The following CEP78 variants were observed in gnomAD, a reference collection of about 807,000 sequenced individuals.
CEP78 encodes the protein centrosomal protein 78.
In CEP78, 76 loss-of-function variants were observed where a neutral mutation model predicts 81.2. The observed-to-expected ratio is 0.94, with a 90% CI of 0.78 to 1.13. The LOEUF is 1.13. Ranked by LOEUF, CEP78 falls within the 50% of genes most tolerant of loss-of-function variation. The pLI is 0.00. For synonymous variants in CEP78, 293 were observed against 301.4 expected, an observed-to-expected ratio of 0.97 and a Z score of 0.29; for missense variants, 918 against 846.8, an observed-to-expected ratio of 1.08 and a Z score of -1.04.
Position 78,240,078 on chromosome 9 carries a change from T to G in CEP78, c.309T>G (p.Asp103Glu). The G allele has an allele frequency of 1.3e-6, 2 of 1,585,788 alleles. No individual in the cohort carries two copies. Among genetic ancestry groups the G allele is most frequent in the African/African-American group, 1.4e-5 (1 of 72,900 alleles). ...RSRVPAIRYKDVTFQLCKALK... is the reference protein window; with the variant it reads ...RSRVPAIRYKEVTFQLCKALK... ...GTGTTCCTGCGATAAGATACAAAGATGTGACCTTCCAGTTGTGTAAAGCTC... is the reference window on the plus strand; with the variant it reads ...GTGTTCCTGCGATAAGATACAAAGAGGTGACCTTCCAGTTGTGTAAAGCTC... Residue 103 changes from aspartate to glutamate, a missense_variant, in exon 2 of 17, where the codon GAT becomes GAG. By Grantham distance (45) the Asp-to-Glu change is conservative. Coordinates refer to ENST00000643273, the MANE Select transcript of CEP78 (RefSeq NM_001330691.3).
At chr9:78,270,514 T>C (rs921369558) in intron 16 of CEP78, among the ~76,000 whole-genome samples, 1 of 152,204 alleles carries the variant, frequency 6.6e-6, no homozygotes, top group Non-Finnish European at 1.5e-5. Context: ...CCAGCACATA[T>C]ACAATCTGTA....
intron 11 of CEP78, among the ~76,000 whole-genome samples, chr9:78,261,031 A>T (rs1827250884): frequency 6.6e-6 from 1 of 151,856 alleles, no homozygotes; most frequent in Non-Finnish European, 1.5e-5. Flanking sequence ...GCTCACTGCA[A>T]CCTCTGCCTC....
chr9:78,274,871 CT>C lies in CEP78; in HGVS notation c.*4023del, dbSNP rs1189048077. ...AGGAAATTGTATAGATTTTGATTTACTTTCCAGGAAGAAAGAAGACAAAAGA... is the reference window on the plus strand; with the variant it reads ...AGGAAATTGTATAGATTTTGATTTACTTCCAGGAAGAAAGAAGACAAAAGA... On this transcript the variant is annotated 3_prime_UTR_variant, in exon 17 of 17. Transcript: ENST00000643273. 6.6e-6 allele frequency: 1 copy of C among 152,042 alleles called. No individual in the cohort carries two copies. The highest frequency in any genetic ancestry group is 6.6e-5 in the Admixed American group (1 of 15,262). The allele number at this position is 152,042 out of a possible 1,614,324, so 9.4% of individuals were successfully genotyped here.
chr9:78,246,961 G>A (rs944741561), intron 6 of CEP78, among the ~76,000 whole-genome samples, 179 bp downstream of exon 6: 4 of 152,204 alleles, frequency 2.6e-5, no homozygotes, highest in Admixed American at 6.5e-5. Context: ...TACTTAAATT[G>A]CTCTTGGCTG....
Position 78,273,421 on chromosome 9 carries a change from A to T in CEP78, c.*2570A>T, listed in dbSNP as rs1002449296. 6.6e-6 allele frequency: 1 copy of T among 152,184 alleles called. No individual in the cohort carries two copies. The highest frequency in any genetic ancestry group is 2.4e-5 in the African/African-American group (1 of 41,452). 9.4% of individuals were successfully genotyped at this position (152,184 alleles called of 1,614,324 possible). A position where few individuals can be genotyped will look rare whatever the true frequency, so the allele number is the denominator to read the frequency against. On this transcript the variant is annotated 3_prime_UTR_variant, in exon 17 of 17. Coordinates refer to ENST00000643273, the MANE Select transcript of CEP78 (RefSeq NM_001330691.3). ...AGTGTTGCAGAAGATTTTTTAAAAA[A>T]ATATATCTGCAATTTAAAAACTTGA...
In CEP78 at chr9:78,272,563, G is replaced by A. The variant is rs1827716434; in HGVS notation, c.*1712G>A. 1 of 152,202 alleles carries A rather than the reference G, an allele frequency of 6.6e-6. No homozygotes were observed. The highest frequency in any genetic ancestry group is 6.5e-5 in the Admixed American group (1 of 15,284). 9.4% of individuals were successfully genotyped at this position (152,202 alleles called of 1,614,324 possible). A position where few individuals can be genotyped will look rare whatever the true frequency, so the allele number is the denominator to read the frequency against. ...AAAGTGAAAGCTTGTCCTAGATATTGTCTTATTCATGGGAAGGATACAGGT... is the reference window on the plus strand; with the variant it reads ...AAAGTGAAAGCTTGTCCTAGATATTATCTTATTCATGGGAAGGATACAGGT... On this transcript the variant is annotated 3_prime_UTR_variant, in exon 17 of 17. Transcript: ENST00000643273.
Position 78,278,456 on chromosome 9 carries a change from T to G in CEP78, c.*7605T>G, listed in dbSNP as rs1045363074. Reference sequence around the variant, plus strand: ...AGTAGTAGTCCTGGCCCCACCTTCCTTGTGTGCACGTATAATTAATGGAAA... The same window carrying G: ...AGTAGTAGTCCTGGCCCCACCTTCCGTGTGTGCACGTATAATTAATGGAAA... On this transcript the variant is annotated 3_prime_UTR_variant, in exon 17 of 17. Transcript: ENST00000643273. 6.6e-5 allele frequency: 10 copies of G among 152,264 alleles called. No individual in the cohort carries two copies. The allele number at this position is 152,264 out of a possible 1,614,324, so 9.4% of individuals were successfully genotyped here. A position where few individuals can be genotyped will look rare whatever the true frequency, so the allele number is the denominator to read the frequency against.
chr9:78,244,676 C>A (rs1826398709), intron 5 of CEP78, among the ~76,000 whole-genome samples: 1 of 152,094 alleles, frequency 6.6e-6, no homozygotes, highest in African/African-American at 2.4e-5. Context: ...CTCAGTCTAG[C>A]ATATCTTAAA....
intron 11 of CEP78, among the ~76,000 whole-genome samples, chr9:78,255,646 T>A (rs946641933): frequency 7.2e-5 from 11 of 152,126 alleles, no homozygotes; most frequent in African/African-American, 2.4e-5. Context: ...TGATTTTCAT[T>A]TTTTAAATTA....
intron 11 of CEP78, among the ~76,000 whole-genome samples, chr9:78,261,133 T>G (rs1341424899): frequency 6.6e-6 from 1 of 152,068 alleles, no homozygotes; most frequent in East Asian, 1.9e-4. Flanking sequence ...ATATTTTTAG[T>G]AGAGACGGGG....
chr9:78,254,085 G>A (rs1279301576), intron 10 of CEP78: 1 of 152,118 alleles, frequency 6.6e-6, no homozygotes, highest in Non-Finnish European at 1.5e-5. Flanking sequence ...ATTTGGAAAC[G>A]TATTGGACAA....
In CEP78 at chr9:78,246,710, A is replaced by G. The variant is rs1367092042; in HGVS notation, c.820A>G (p.Lys274Glu). ...QQCGLTNEGA[K>E]ALLEALETNT... The stretch of plus-strand genomic sequence containing the variant: ...GTGCGGCCTCACCAATGAAGGAGCA[A>G]AGGCTTTGCTAGAGGCCCTTGAAAC... Residue 274 changes from lysine to glutamate, a missense_variant, in exon 6 of 17, where the codon AAG (lysine) becomes GAG (glutamate). Lys to Glu is a moderately conservative substitution (Grantham distance 56). Transcript: ENST00000643273. The G allele has an allele frequency of 6.2e-7, 1 of 1,611,264 alleles. No individual in the cohort carries two copies. Among genetic ancestry groups the G allele is most frequent in the Non-Finnish European group, 8.5e-7 (1 of 1,178,860 alleles).
chr9:78,262,718 G>A (rs750146108), intron 11 of CEP78, among the ~76,000 whole-genome samples, 189 bp from the exon 12 acceptor site: 7 of 151,980 alleles, frequency 4.6e-5, no homozygotes, highest in Non-Finnish European at 7.4e-5. Context: ...TGTAATGTGC[G>A]AATCTGATGT....
intron 6 of CEP78, among the ~76,000 whole-genome samples, chr9:78,247,344 T>C (rs1211445867): frequency 6.6e-6 from 1 of 152,054 alleles, no homozygotes; most frequent in East Asian, 1.9e-4. Context: ...AGAGACCTGA[T>C]TAGGAGGGGA....
chr9:78,255,732 G>A (rs765037498), intron 11 of CEP78, among the ~76,000 whole-genome samples: 6 of 152,168 alleles, frequency 3.9e-5, no homozygotes, highest in Non-Finnish European at 5.9e-5. Context: ...AAAATCTATA[G>A]ATAATGTAGA....
chr9:78,238,762 A>G (rs1242806408), intron 1 of CEP78, among the ~76,000 whole-genome samples: 1 of 152,158 alleles, frequency 6.6e-6, no homozygotes, highest in East Asian at 1.9e-4. Context: ...CCAAAATAAT[A>G]TCAGGAACCA....
At chr9:78,257,584 A>G (rs1042460274) in intron 11 of CEP78, among the ~76,000 whole-genome samples, 1 of 152,130 alleles carries the variant, frequency 6.6e-6, no homozygotes, top group African/African-American at 2.4e-5. Flanking sequence ...TGTATTAGGC[A>G]CTGTTAGAAT....
chr9:78,243,376 T>C (rs1826319734), intron 4 of CEP78, 86 bp from the exon 5 acceptor site: 1 of 1,112,030 alleles, frequency 9.0e-7, no homozygotes, highest in Non-Finnish European at 1.3e-6. Context: ...TGTAAAGCTC[T>C]GATGTAATCA....
chr9:78,259,926 A>G (rs1827199130), intron 11 of CEP78, among the ~76,000 whole-genome samples: 1 of 152,242 alleles, frequency 6.6e-6, no homozygotes, highest in South Asian at 2.1e-4. Flanking sequence ...AAAAACACAC[A>G]TTCTGTCTTT....
Sources: allele counts gnomAD v4.1 joint callset (sites outside exome capture counted in the v4.1 genomes callset), GRCh38; gene constraint gnomAD v4.1.1; transcripts MANE v1.5; gene names NCBI Gene and HGNC (gene_info 2026-07-23, HGNC 2026-07-21).